Variants in RTEL1 observed in about 807,000 individuals in gnomAD.
RTEL1 encodes the protein regulator of telomere elongation helicase 1, also known as regulator of telomere length.
In RTEL1, 86 loss-of-function variants were observed where a neutral mutation model predicts 162.2. The ratio of observed to expected loss-of-function variants is 0.53; its 90% CI spans 0.45 to 0.63. The LOEUF is 0.63. RTEL1 is among the 30% of genes least tolerant of loss of function. The pLI is 0.00. For synonymous variants in RTEL1, 958 were observed against 717.9 expected (o/e 1.33, Z -5.35); for missense variants, 1,941 against 1,750.2 (o/e 1.11, Z -1.95).
intron 22 of RTEL1, 57 bp from the exon 23 acceptor site, chr20:63,689,445 G>T (rs2090673027): frequency 1.4e-6 from 2 of 1,468,182 alleles, no homozygotes; most frequent in Non-Finnish European, 1.8e-6. Flanking sequence ...GGCTGGGTGT[G>T]GGCACCAGGG....
intron 15 of RTEL1, 47 bp downstream of exon 15, chr20:63,685,644 C>T (rs576242070): frequency 5.6e-5 from 90 of 1,595,852 alleles, no homozygotes; most frequent in South Asian, 1.5e-4. Context: ...CCTTGTTCCC[C>T]GGCAGGGCTG....
chr20:63,694,108 C>A (rs142201549), intron 30 of RTEL1, among the ~76,000 whole-genome samples: 41 of 152,226 alleles, frequency 2.7e-4, no homozygotes, highest in Non-Finnish European at 4.6e-4. Flanking sequence ...TTGGTACTCA[C>A]TGGGATATCC....
At chr20:63,684,509 A>T (rs923892587) in intron 14 of RTEL1, among the ~76,000 whole-genome samples, 12 of 152,074 alleles carry the variant, frequency 7.9e-5, no homozygotes, top group Non-Finnish European at 1.2e-4. Flanking sequence ...ACCTGCCACC[A>T]CGCCTGGCTA....
chr20:63,659,537 G>A, intron 2 of RTEL1, 33 bp downstream of exon 2: 1 of 1,519,258 alleles, frequency 6.6e-7, no homozygotes, highest in Non-Finnish European at 9.1e-7. Context: ...AGGACTGCGG[G>A]TGGGTGGAGC....
In RTEL1 at chr20:63,691,850, T is replaced by G; in HGVS notation, c.2652+13T>G. 6.2e-7 allele frequency: 1 copy of G among 1,602,056 alleles called. No homozygotes were observed. Among genetic ancestry groups the G allele is most frequent in the South Asian group, 1.1e-5 (1 of 90,944 alleles). On this transcript the variant is annotated intron_variant, in intron 28 of 34. Transcript: ENST00000360203. Reference sequence around the variant, plus strand: ...GGTCAGCCACCCGGTGCGTGAGCTGTCCCTGCACCTGTGCCGACCACCATA... The same window carrying G: ...GGTCAGCCACCCGGTGCGTGAGCTGGCCCTGCACCTGTGCCGACCACCATA...
intron 30 of RTEL1, among the ~76,000 whole-genome samples, 154 bp downstream of exon 30, chr20:63,693,437 C>CTCT (rs2090823792): frequency 1.4e-5 from 2 of 144,626 alleles, no homozygotes; most frequent in Non-Finnish European, 3.0e-5. Context: ...CCTCCACCAC[C>CTCT]AGCACCAGCA....
rs2145446620 is a variant in RTEL1 at position 63,692,943 on chromosome 20, C to T, written c.2791C>T (p.Leu931=). The part of the protein sequence containing the change: ...DYKGSDDFAA[L]AACLGPLFAE... Reference sequence around the variant, plus strand: ...CAAGGGTTCCGATGACTTCGCCGCCCTGGCCGCCTGTCTCGGCCCCCTCTT... The same window carrying T: ...CAAGGGTTCCGATGACTTCGCCGCCTTGGCCGCCTGTCTCGGCCCCCTCTT... The change falls in exon 29 of 35, where the codon CTG becomes TTG. Residue 931 remains leucine, a synonymous_variant. Transcript: ENST00000360203. The T allele has an allele frequency of 1.2e-6, 2 of 1,612,640 alleles. No homozygotes were observed. Among genetic ancestry groups the T allele is most frequent in the Non-Finnish European group, 1.7e-6 (2 of 1,179,838 alleles).
intron 14 of RTEL1, chr20:63,681,719 AG>A: frequency 2.0e-6 from 2 of 985,168 alleles, no homozygotes; most frequent in Non-Finnish European, 2.4e-6. Flanking sequence ...GGGTGGGCAC[AG>A]GGTGGTGGGG....
At chr20:63,666,110 G>T (rs999390387) in intron 7 of RTEL1, 31 bp downstream of exon 7, 37 of 1,566,304 alleles carry the variant, frequency 2.4e-5, no homozygotes, top group Non-Finnish European at 3.2e-5. Context: ...CACGACCACT[G>T]TCCTTCCATG....
chr20:63,671,787 G>T (rs1220284545), intron 8 of RTEL1, among the ~76,000 whole-genome samples: 1 of 151,192 alleles, frequency 6.6e-6, no homozygotes, highest in South Asian at 2.1e-4. Flanking sequence ...CACCATGCCC[G>T]GCCAATGTGT....
At chr20:63,689,698 C>A in intron 23 of RTEL1, 50 bp downstream of exon 23, 1 of 1,604,368 alleles carries the variant, frequency 6.2e-7, no homozygotes, top group Non-Finnish European at 8.5e-7. Context: ...GTGACTGAGC[C>A]CCCGCCCCGT....
chr20:63,683,137 A>G (rs550016699), intron 14 of RTEL1, among the ~76,000 whole-genome samples: 1 of 152,174 alleles, frequency 6.6e-6, no homozygotes, highest in Middle Eastern at 3.4e-3. Flanking sequence ...CTAATTTTTA[A>G]AATTTTTTTG....
chr20:63,689,496 C>T lies in RTEL1; in HGVS notation c.1879-6C>T, dbSNP rs2090674485. The T allele has an allele frequency of 2.5e-6, 4 of 1,583,262 alleles. No individual in the cohort carries two copies. The highest frequency in any genetic ancestry group is 3.4e-6 in the Non-Finnish European group (4 of 1,165,386). On this transcript the variant is annotated splice_polypyrimidine_tract_variant and splice_region_variant and intron_variant, in intron 22 of 34. Transcript: ENST00000360203. The stretch of plus-strand genomic sequence containing the variant: ...GCCCCAGGCAGCTCCCTGGTGTGTC[C>T]CCTAGGCCAGCGAGGGGCTGGACTT...
Position 63,688,127 on chromosome 20 carries a change from C to A in RTEL1, c.1596-12C>A. On this transcript the variant is annotated splice_polypyrimidine_tract_variant and intron_variant, in intron 18 of 34. Coordinates refer to ENST00000360203, the MANE Select transcript of RTEL1 (RefSeq NM_001283009.2). ...GGCCTGAGGTCCTGAGCAGTGGCCTCTCCGGCTCTAGGTTTTCCGAGGAGT... is the reference window on the plus strand; with the variant it reads ...GGCCTGAGGTCCTGAGCAGTGGCCTATCCGGCTCTAGGTTTTCCGAGGAGT... 6.2e-7 allele frequency: 1 copy of A among 1,612,554 alleles called. No homozygotes were observed. The highest frequency in any genetic ancestry group is 1.1e-5 in the South Asian group (1 of 91,072).
chr20:63,687,885 A>G (rs371361622), intron 17 of RTEL1, 52 bp from the exon 18 acceptor site: 16 of 1,601,164 alleles, frequency 1.0e-5, no homozygotes, highest in African/African-American at 5.4e-5. Context: ...CTCGAGGGCT[A>G]AAGGGGTGCT....
In RTEL1 at chr20:63,688,145, C is replaced by T. The variant is rs745339095; in HGVS notation, c.1602C>T (p.Ser534=). 9.0e-5 allele frequency: 145 copies of T among 1,612,316 alleles called. No individual in the cohort carries two copies. Among genetic ancestry groups the T allele is most frequent in the Middle Eastern group, 6.6e-4 (4 of 6,084 alleles). The change falls in exon 19 of 35, where the codon TCC becomes TCT. Residue 534 remains serine (S), a synonymous_variant. Transcript: ENST00000360203. ...QLSSAFDRRF[S]EECLSSLGKA... is the part of the protein sequence containing the mutation. ...GTGGCCTCTCCGGCTCTAGGTTTTC[C>T]GAGGAGTGCTTATCCTCCCTGGGGA... is the stretch of plus-strand genomic sequence containing the variant.
At position 63,694,786 on chromosome 20, in the gene RTEL1, C is replaced by T; in HGVS notation, c.3155C>T (p.Ala1052Val). 6.2e-7 allele frequency: 1 copy of T among 1,611,948 alleles called. No homozygotes were observed. Among genetic ancestry groups the T allele is most frequent in the South Asian group, 1.1e-5 (1 of 91,048 alleles). ...CAGTGGGGGTCTGGAGTGCCCAGAGCAGGGAAGCAGGGCCAGCACGCCGTG... is the reference window on the plus strand; with the variant it reads ...CAGTGGGGGTCTGGAGTGCCCAGAGTAGGGAAGCAGGGCCAGCACGCCGTG... Reference protein sequence around the residue: ...QPQWGSGVPRAGKQGQHAVSA... With the variant: ...QPQWGSGVPRVGKQGQHAVSA... Residue 1052 changes from alanine to valine, a missense_variant, in exon 32 of 35, where the codon GCA becomes GTA. Ala to Val is a moderately conservative substitution (Grantham distance 64, BLOSUM62 0). Transcript: ENST00000360203.
chr20:63,679,682 G>A (rs564484813), intron 12 of RTEL1, among the ~76,000 whole-genome samples, 167 bp from the exon 13 acceptor site: 3 of 152,282 alleles, frequency 2.0e-5, no homozygotes, highest in African/African-American at 7.2e-5. Flanking sequence ...TTCCAAAGCT[G>A]CAGCCTGATT....
Position 63,685,604 on chromosome 20 carries a change from G to A in RTEL1, c.1266+7G>A, listed in dbSNP as rs1448777255. The A allele has an allele frequency of 1.9e-6, 3 of 1,609,198 alleles. No individual in the cohort carries two copies. Among genetic ancestry groups the A allele is most frequent in the South Asian group, 1.1e-5 (1 of 90,380 alleles). ...GGCCTTACAGTCCTATAAGGTAGGG[G>A]CCACCTCCAGGAGGCAGGTGGAGGG... On this transcript the variant is annotated splice_region_variant and intron_variant, in intron 15 of 34. Coordinates refer to ENST00000360203, the MANE Select transcript of RTEL1 (RefSeq NM_001283009.2).
Sources: gnomAD v4.1 joint callset for allele counts (sites outside exome capture counted in the v4.1 genomes callset) on GRCh38, gnomAD v4.1.1 for gene constraint, MANE v1.5 for transcripts, NCBI Gene and HGNC (gene_info 2026-07-23, HGNC 2026-07-21) for gene names.